The following ZFYVE1 variants were observed in gnomAD, a reference collection of about 807,000 sequenced individuals.
ZFYVE1 encodes zinc finger FYVE-type containing 1.
Under a neutral mutation model 74.4 loss-of-function variants are expected in ZFYVE1, and 30 were observed. The observed-to-expected ratio is 0.40, with a 90% CI of 0.30 to 0.55. The LOEUF is 0.55. Ranked by LOEUF, ZFYVE1 falls within the 20% of genes least tolerant of loss-of-function variation. The pLI, the probability that ZFYVE1 is intolerant of heterozygous loss-of-function variation, is 0.42. For missense variants in ZFYVE1, 703 were observed against 1,011.6 expected (o/e 0.69, Z 4.14); for synonymous variants, 335 against 385.1 (o/e 0.87, Z 1.52).
At chr14:72,971,237 GC>G in intron 11 of ZFYVE1, 123 bp from the exon 12 acceptor site, 5 of 1,019,432 alleles carry the variant, frequency 4.9e-6, no homozygotes, top group Non-Finnish European at 7.1e-6. Context: ...TGCTGACAGA[GC>G]TTTTTAAAAA....
At chr14:73,007,254 C>CAG (rs1387202754) in intron 2 of ZFYVE1, among the ~76,000 whole-genome samples, 6 of 152,240 alleles carry the variant, frequency 3.9e-5, no homozygotes, top group African/African-American at 1.4e-4. Flanking sequence ...ACAGCACAGT[C>CAG]AGAGATTCTA....
intron 4 of ZFYVE1, among the ~76,000 whole-genome samples, chr14:72,984,460 C>T (rs909888648): frequency 1.3e-5 from 2 of 151,580 alleles, no homozygotes; most frequent in African/African-American, 2.4e-5. Context: ...ACCCGGGAGG[C>T]GGACGTTACA....
chr14:73,023,319 T>TA, intron 2 of ZFYVE1, among the ~76,000 whole-genome samples: 1 of 115,228 alleles, frequency 8.7e-6, no homozygotes, highest in Non-Finnish European at 1.7e-5. Context: ...ATGTTTTATA[T>TA]ATAATATATA....
At position 72,970,891 on chromosome 14, in the gene ZFYVE1, A is replaced by C. The variant is rs373885889; in HGVS notation, c.2325T>G (p.Gly775=). 3 of 1,614,052 alleles carry C rather than the reference A, an allele frequency of 1.9e-6. No homozygotes were observed. Among genetic ancestry groups the C allele is most frequent in the Non-Finnish European group, 2.5e-6 (3 of 1,180,028 alleles). Reference sequence around the variant, plus strand: ...GGAGAGGGGGCTGGGGTTAAAGGTCACCGGGCTTTTTATTGCAGTTGAAGC... The same window carrying C: ...GGAGAGGGGGCTGGGGTTAAAGGTCCCCGGGCTTTTTATTGCAGTTGAAGC... The part of the protein sequence containing the change: ...RVCFNCNKKP[G]DL The change falls in exon 12 of 12, where the codon GGT becomes GGG. Residue 775 remains glycine (G), a synonymous_variant. Coordinates refer to ENST00000556143, the MANE Select transcript of ZFYVE1 (RefSeq NM_021260.4).
chr14:73,008,945 C>T (rs936433481), intron 2 of ZFYVE1, among the ~76,000 whole-genome samples: 1 of 152,148 alleles, frequency 6.6e-6, no homozygotes, highest in Non-Finnish European at 1.5e-5. Flanking sequence ...CCTCCATTCC[C>T]ACCCACCACC....
At chr14:72,990,517 C>T (rs1165981075) in intron 4 of ZFYVE1, among the ~76,000 whole-genome samples, 10 of 151,752 alleles carry the variant, frequency 6.6e-5, no homozygotes, top group Non-Finnish European at 1.5e-4. Context: ...CTGCCTCAGC[C>T]TCCTGAGTAG....
Position 72,993,154 on chromosome 14 carries a change from T to C in ZFYVE1, c.1192A>G (p.Lys398Glu), listed in dbSNP as rs1211552695. 5 of 1,606,426 alleles carry C rather than the reference T, an allele frequency of 3.1e-6. No individual in the cohort carries two copies. Among genetic ancestry groups the C allele is most frequent in the Non-Finnish European group, 4.3e-6 (5 of 1,175,356 alleles). The change falls in exon 4 of 12, where the codon AAA becomes GAA. Residue 398 changes from lysine (K) to glutamate (E), a missense_variant. Physicochemically the swap from Lys to Glu is moderately conservative, Grantham distance 56. Around this residue, in one of 2 missense-constraint regions of ZFYVE1, gnomAD observed 492 missense variants for 790.0 expected, o/e 0.62. Coordinates refer to ENST00000556143, the MANE Select transcript of ZFYVE1 (RefSeq NM_021260.4). The part of the protein sequence containing the change: ...RSPRHPGVIF[K>E]ALKALSDRFS... Reference sequence around the variant, plus strand: ...ACAAGCCAACTGACCTTCAGGGCTTTGAAGATGACTCCCGGGTGCCGGGGA... The same window carrying C: ...ACAAGCCAACTGACCTTCAGGGCTTCGAAGATGACTCCCGGGTGCCGGGGA...
In ZFYVE1 at chr14:72,998,224, C is replaced by A. The variant is rs779039013; in HGVS notation, c.575G>T (p.Gly192Val). The change falls in exon 3 of 12, where the codon GGA becomes GTA. Residue 192 changes from glycine to valine, a missense_variant. Gly to Val is a moderately radical substitution (Grantham distance 109). Around this residue, in one of 2 missense-constraint regions of ZFYVE1, gnomAD observed 492 missense variants for 790.0 expected, o/e 0.62. Coordinates refer to ENST00000556143, the MANE Select transcript of ZFYVE1 (RefSeq NM_021260.4). ...VVSIFGNTGD[G>V]KSHTLNHTFF... The stretch of plus-strand genomic sequence containing the variant: ...AGTGTGGTTGAGAGTATGAGACTTT[C>A]CATCACCAGTATTTCCAAAAATGGA... The A allele has an allele frequency of 6.2e-7, 1 of 1,612,828 alleles. No homozygotes were observed. The highest frequency in any genetic ancestry group is 8.5e-7 in the Non-Finnish European group (1 of 1,179,656).
chr14:72,993,611 A>G (rs924642806), intron 3 of ZFYVE1, among the ~76,000 whole-genome samples: 21 of 149,752 alleles, frequency 1.4e-4, no homozygotes, highest in African/African-American at 4.2e-4. Context: ...AGGCAGGAGA[A>G]TCGCTTGAAC....
chr14:72,970,830 T>C lies in ZFYVE1; in HGVS notation c.*52A>G, dbSNP rs1380711192. 1 of 1,591,000 alleles carries C rather than the reference T, an allele frequency of 6.3e-7. No individual in the cohort carries two copies. ...GGAGGGCCTACCTCGCAAGACTGTT[T>C]CTAACCCTGAGAACCTAAGGAATTG... is the stretch of plus-strand genomic sequence containing the variant. On this transcript the variant is annotated 3_prime_UTR_variant, in exon 12 of 12. Coordinates refer to ENST00000556143, the MANE Select transcript of ZFYVE1 (RefSeq NM_021260.4).
Position 72,974,657 on chromosome 14 carries a change from G to C in ZFYVE1, c.1987+122C>G, listed in dbSNP as rs544573576. ...AGGAGCTTAGAGGCTGACTGGCCAA[G>C]ACCAGAAGTACTCTCACAAGGGAGA... is the stretch of plus-strand genomic sequence containing the variant. On this transcript the variant is annotated intron_variant, in intron 10 of 11. Coordinates refer to ENST00000556143, the MANE Select transcript of ZFYVE1 (RefSeq NM_021260.4). 13 of 1,312,274 alleles carry C rather than the reference G, an allele frequency of 9.9e-6. No homozygotes were observed. The African/African-American group carries it at 1.0e-4, about 10-fold the overall frequency. The allele number at this position is 1,312,274 out of a possible 1,614,324, so 81.3% of individuals were successfully genotyped here. A position where few individuals can be genotyped will look rare whatever the true frequency, so the allele number is the denominator to read the frequency against.
Position 72,998,066 on chromosome 14 carries a change from T to C in ZFYVE1, c.733A>G (p.Asn245Asp). Residue 245 changes from asparagine to aspartate, a missense_variant, in exon 3 of 12, where the codon AAT becomes GAT. Coordinates refer to ENST00000556143, the MANE Select transcript of ZFYVE1 (RefSeq NM_021260.4). ...DTEGLLGATV[N>D]LSQRTRLLLK... ...AGCAGCCGTGTTCTCTGGCTTAGATTCACGGTGGCCCCCAGGAGCCCTTCC... is the reference window on the plus strand; with the variant it reads ...AGCAGCCGTGTTCTCTGGCTTAGATCCACGGTGGCCCCCAGGAGCCCTTCC... 1 of 1,614,104 alleles carries C rather than the reference T, an allele frequency of 6.2e-7. No individual in the cohort carries two copies. Among genetic ancestry groups the C allele is most frequent in the Non-Finnish European group, 8.5e-7 (1 of 1,180,010 alleles).
chr14:72,988,923 TTTC>T (rs1255435879), intron 4 of ZFYVE1, among the ~76,000 whole-genome samples: 48 of 144,880 alleles, frequency 3.3e-4, no homozygotes, highest in Admixed American at 1.4e-3. Context: ...GCATTTGCAA[TTTC>T]TTCTTTTTTT....
chr14:72,991,600 C>T (rs920790542), intron 4 of ZFYVE1, among the ~76,000 whole-genome samples: 1 of 128,206 alleles, frequency 7.8e-6, no homozygotes, highest in African/African-American at 2.6e-5. Context: ...ATCAGATTTA[C>T]AGCCCCTTTG....
intron 4 of ZFYVE1, among the ~76,000 whole-genome samples, chr14:72,991,802 T>A (rs1417458319): frequency 2.6e-5 from 4 of 152,200 alleles, no homozygotes; most frequent in Admixed American, 2.6e-4. Flanking sequence ...TTCCTTAATA[T>A]TATTCACAAT....
intron 2 of ZFYVE1, among the ~76,000 whole-genome samples, chr14:73,013,114 T>C (rs1894122529): frequency 6.6e-6 from 1 of 152,074 alleles, no homozygotes; most frequent in African/African-American, 2.4e-5. Flanking sequence ...TAGTCTCAAG[T>C]AGAAGGAAAT....
At chr14:72,985,204 G>A (rs772155826) in intron 4 of ZFYVE1, among the ~76,000 whole-genome samples, 7 of 152,232 alleles carry the variant, frequency 4.6e-5, no homozygotes, top group Non-Finnish European at 1.0e-4. Flanking sequence ...GACCCAGGCT[G>A]GAGTGCAGTG....
chr14:73,000,586 A>G (rs1173669275), intron 2 of ZFYVE1, among the ~76,000 whole-genome samples: 2 of 151,942 alleles, frequency 1.3e-5, no homozygotes, highest in Admixed American at 6.6e-5. Flanking sequence ...GATGGGTGAC[A>G]GAGAGAAGCT....
intron 4 of ZFYVE1, 119 bp from the exon 5 acceptor site, chr14:72,982,014 C>T (rs1893345691): frequency 3.6e-6 from 3 of 824,568 alleles, no homozygotes; most frequent in Admixed American, 2.1e-5. Context: ...AACTTCTGCT[C>T]ATTACCCTTG....
Sources: gnomAD v4.1 joint callset for allele counts (sites outside exome capture counted in the v4.1 genomes callset) on GRCh38, gnomAD v4.1.1 for gene constraint, gnomAD v4.1.1 regional missense constraint, MANE v1.5 for transcripts, NCBI Gene and HGNC (gene_info 2026-07-23, HGNC 2026-07-21) for gene names.